Variants in SYNE1 observed in about 807,000 individuals in gnomAD.
SYNE1 encodes spectrin repeat containing nuclear envelope protein 1.
A neutral mutation model predicts 1,111.0 loss-of-function variants in SYNE1; 616 were observed. That is an observed-to-expected ratio of 0.55 (90% CI 0.52 to 0.59). The LOEUF is 0.59. Ranked by LOEUF, SYNE1 falls within the 20% of genes least tolerant of loss-of-function variation. The pLI, the probability that SYNE1 is intolerant of heterozygous loss-of-function variation, is 0.00. For missense variants in SYNE1, 10,006 were observed against 10,417.0 expected (o/e 0.96, Z 1.72); for synonymous variants, 3,855 against 3,825.8 (o/e 1.01, Z -0.28).
At position 152,207,993 on chromosome 6, in the gene SYNE1, C is replaced by T; in HGVS notation, c.22803G>A (p.Arg7601=). The T allele has an allele frequency of 6.2e-7, 1 of 1,614,164 alleles. No homozygotes were observed. The highest frequency in any genetic ancestry group is 8.5e-7 in the Non-Finnish European group (1 of 1,180,026). Residue 7601 remains arginine (R), a synonymous_variant, in exon 125 of 146, where the codon AGG becomes AGA. Coordinates refer to ENST00000367255, the MANE Select transcript of SYNE1 (RefSeq NM_182961.4). ...TTACCTGCACTTCATCAAAGAGGGT[C>T]CTTGCTTGTTGCAGTGGTATAGGAA... ...GSVPIPLQQA[R]TLFDEVQFKE... is the part of the protein sequence containing the mutation.
chr6:152,279,716 C>CAAA (rs71017531), intron 97 of SYNE1, among the ~76,000 whole-genome samples: 9 of 62,976 alleles, frequency 1.4e-4, no homozygotes, highest in East Asian at 4.4e-4. Context: ...GACCTTGTCT[C>CAAA]AAAAAAAAAA....
At position 152,145,492 on chromosome 6, in the gene SYNE1, G is replaced by A. The variant is rs572962685; in HGVS notation, c.24977-1727C>T. ...CTCCGGCTTGTTGTGCCTACCGGAG[G>A]TATTTTTGATTGCATTTTCTGTGAG... On this transcript the variant is annotated intron_variant, in intron 137 of 145. Coordinates refer to ENST00000367255, the MANE Select transcript of SYNE1 (RefSeq NM_182961.4). 9.9e-6 allele frequency: 16 copies of A among 1,614,012 alleles called. No homozygotes were observed. In the Admixed American group the frequency reaches 2.2e-4, roughly 22 times the overall value.
chr6:152,487,495 C>T (rs1242490492), intron 12 of SYNE1, among the ~76,000 whole-genome samples: 2 of 152,134 alleles, frequency 1.3e-5, no homozygotes, highest in Non-Finnish European at 2.9e-5. Context: ...TGAAATCACA[C>T]TTTGTAAATG....
intron 3 of SYNE1, among the ~76,000 whole-genome samples, chr6:152,625,852 C>T (rs1490608250): frequency 6.6e-6 from 1 of 152,168 alleles, no homozygotes; most frequent in Non-Finnish European, 1.5e-5. Flanking sequence ...GAATGGCTCA[C>T]CATATCACAG....
In SYNE1 at chr6:152,578,314, G is replaced by T. The variant is rs189634921; in HGVS notation, c.68-38293C>A. The stretch of plus-strand genomic sequence containing the variant: ...ATAATATGAAAACTTCATATCCTTG[G>T]CCTGGCGTGGTAGCTCATGCCTGTA... On this transcript the variant is annotated intron_variant, in intron 3 of 145. Transcript: ENST00000367255. 6.6e-5 allele frequency among the ~76,000 whole-genome samples: 10 copies of T among 152,194 alleles called. No individual in the cohort carries two copies. In the East Asian group the frequency reaches 1.5e-3, roughly 24 times the overall value.
At chr6:152,232,566 G>A (rs2083025014) in intron 112 of SYNE1, among the ~76,000 whole-genome samples, 1 of 152,084 alleles carries the variant, frequency 6.6e-6, no homozygotes, top group African/African-American at 2.4e-5. Flanking sequence ...CTAGTTTTAT[G>A]AGTCTAAAAA....
chr6:152,532,874 C>T (rs1462417839), intron 4 of SYNE1, among the ~76,000 whole-genome samples: 1 of 152,040 alleles, frequency 6.6e-6, no homozygotes, highest in Non-Finnish European at 1.5e-5. Context: ...TGGGTGGGAA[C>T]AGCAAGTTAA....
In SYNE1 at chr6:152,376,283, G is replaced by A. The variant is rs574107248; in HGVS notation, c.9324+98C>T. 77 of 1,361,824 alleles carry A rather than the reference G, an allele frequency of 5.7e-5. 2 individuals carry two copies. The South Asian group carries it at 8.7e-4, about 15-fold the overall frequency. The allele number at this position is 1,361,824 out of a possible 1,614,324, so 84.4% of individuals were successfully genotyped here. A position where few individuals can be genotyped will look rare whatever the true frequency, so the allele number is the denominator to read the frequency against. On this transcript the variant is annotated intron_variant, in intron 58 of 145. Transcript: ENST00000367255. Reference sequence around the variant, plus strand: ...CTGGTTCCTAACAGGCCAGGGACCTGTACCAGTCCGCGGCCCAGGAGATGG... The same window carrying A: ...CTGGTTCCTAACAGGCCAGGGACCTATACCAGTCCGCGGCCCAGGAGATGG...
At chr6:152,219,311 A>T (rs1258689182) in intron 119 of SYNE1, 126 bp from the exon 120 acceptor site, 1 of 963,238 alleles carries the variant, frequency 1.0e-6, no homozygotes, top group African/African-American at 1.6e-5. Context: ...AGGCTAAATA[A>T]ACTTCACCTG....
rs772898202 is a variant in SYNE1 at position 152,236,290 on chromosome 6, C to A, written c.20213G>T (p.Ser6738Ile). The A allele has an allele frequency of 6.2e-7, 1 of 1,612,602 alleles. No homozygotes were observed. Among genetic ancestry groups the A allele is most frequent in the South Asian group, 1.1e-5 (1 of 91,014 alleles). ...TAATTTGGGCTGGTATTCATTAAGG[C>A]TAGATTTTAAATGCTAAAATATTGA... ...RITLYQHLKS[S>I]LNEYQPKLYQ... is the part of the protein sequence containing the mutation. Residue 6738 changes from serine (S) to isoleucine (I), a missense_variant, in exon 110 of 146, where the codon AGC (serine) becomes ATC (isoleucine). By Grantham distance (142) the Ser-to-Ile change is moderately radical (BLOSUM62 -2). Coordinates refer to ENST00000367255, the MANE Select transcript of SYNE1 (RefSeq NM_182961.4).
intron 127 of SYNE1, among the ~76,000 whole-genome samples, chr6:152,193,345 G>A (rs1199147968): frequency 2.6e-5 from 4 of 152,138 alleles, no homozygotes; most frequent in Non-Finnish European, 5.9e-5. Context: ...TAACAAACAA[G>A]CAAAAAGAAA....
In SYNE1 at chr6:152,415,039, C is replaced by A. The variant is rs555710327; in HGVS notation, c.6050+1348G>T. Among the ~76,000 whole-genome samples, 4 of 152,196 alleles carry A rather than the reference C, an allele frequency of 2.6e-5. No individual in the cohort carries two copies. The South Asian group carries it at 8.3e-4, about 32-fold the overall frequency. Reference sequence around the variant, plus strand: ...ATTCTGGTTAAAAGGAAACAACCAGCAATGGTCTTTCAGGAACAACATAAT... The same window carrying A: ...ATTCTGGTTAAAAGGAAACAACCAGAAATGGTCTTTCAGGAACAACATAAT... On this transcript the variant is annotated intron_variant, in intron 41 of 145. Coordinates refer to ENST00000367255, the MANE Select transcript of SYNE1 (RefSeq NM_182961.4).
At chr6:152,506,063 G>A (rs1327013838) in intron 8 of SYNE1, among the ~76,000 whole-genome samples, 3 of 152,136 alleles carry the variant, frequency 2.0e-5, no homozygotes, top group Admixed American at 6.5e-5. Flanking sequence ...TTTGGTAATT[G>A]TCTTGAGGGC....
intron 14 of SYNE1, chr6:152,481,649 G>C: frequency 2.4e-6 from 1 of 414,024 alleles, no homozygotes. Context: ...TATATGCTTA[G>C]TTGCTAATTT....
chr6:152,185,329 C>A (rs1313097241), intron 128 of SYNE1: 1 of 152,342 alleles, frequency 6.6e-6, no homozygotes, highest in East Asian at 1.9e-4. Context: ...TCCTCATCAA[C>A]TGCTTTGGTC....
chr6:152,125,096 A>T (rs1409148494), intron 145 of SYNE1, among the ~76,000 whole-genome samples: 1 of 152,188 alleles, frequency 6.6e-6, no homozygotes, highest in Non-Finnish European at 1.5e-5. Context: ...GAACCTGGAG[A>T]CTCTAGACAG....
At chr6:152,126,067 A>G (rs1269332133) in intron 145 of SYNE1, 3 of 152,272 alleles carry the variant, frequency 2.0e-5, no homozygotes, top group Admixed American at 6.5e-5. Flanking sequence ...ATTTAACAGC[A>G]TCAGAGCATT....
chr6:152,353,480 C>A (rs572624303), intron 68 of SYNE1, 47 bp from the exon 69 acceptor site: 1 of 1,612,190 alleles, frequency 6.2e-7, no homozygotes, highest in Admixed American at 1.7e-5. Context: ...AGGCCTGTGC[C>A]AGGGCCTTTG....
chr6:152,520,613 T>G, intron 5 of SYNE1, 71 bp from the exon 6 acceptor site: 1 of 1,489,826 alleles, frequency 6.7e-7, no homozygotes, highest in Non-Finnish European at 9.3e-7. Context: ...TAAGATCTAT[T>G]TAAATGGATT....
Sources: allele counts gnomAD v4.1 joint callset (sites outside exome capture counted in the v4.1 genomes callset), GRCh38; gene constraint gnomAD v4.1.1; transcripts MANE v1.5; gene names NCBI Gene and HGNC (gene_info 2026-07-23, HGNC 2026-07-21).